Variants in SKAP1 observed in about 807,000 individuals in gnomAD.
The protein encoded by SKAP1 is src kinase associated phosphoprotein 1, also known as src kinase-associated phosphoprotein 1.
SKAP1 carries 44 observed loss-of-function variants against 58.5 expected under a neutral mutation model. The observed-to-expected ratio is 0.75, with a 90% confidence interval of 0.59 to 0.97. SKAP1 has a LOEUF of 0.97. Ranked by LOEUF, SKAP1 falls within the 50% of genes least tolerant of loss-of-function variation. The pLI, the probability that SKAP1 is intolerant of heterozygous loss-of-function variation, is 0.00. For synonymous variants in SKAP1, 127 were observed against 149.7 expected (o/e 0.85, Z 1.11); for missense variants, 390 against 435.2 (o/e 0.90, Z 0.92).
At chr17:48,374,045 T>C (rs1441013221) in intron 2 of SKAP1, among the ~76,000 whole-genome samples, 1 of 152,144 alleles carries the variant, frequency 6.6e-6, no homozygotes, top group African/African-American at 2.4e-5. Flanking sequence ...CTCTTTTTTG[T>C]TGTTTTTGAG....
intron 4 of SKAP1, among the ~76,000 whole-genome samples, chr17:48,323,731 C>T (rs937284935): frequency 4.0e-5 from 6 of 151,836 alleles, no homozygotes; most frequent in Admixed American, 6.6e-5. Context: ...AAGAACATAA[C>T]GAAGAGGGAG....
At chr17:48,176,899 A>G (rs2064298495) in intron 9 of SKAP1, among the ~76,000 whole-genome samples, 1 of 152,222 alleles carries the variant, frequency 6.6e-6, no homozygotes, top group African/African-American at 2.4e-5. Flanking sequence ...TCTCACTTAC[A>G]TGGCTTTCCC....
At chr17:48,244,643 C>T (rs2065276217) in intron 4 of SKAP1, among the ~76,000 whole-genome samples, 1 of 152,110 alleles carries the variant, frequency 6.6e-6, no homozygotes, top group South Asian at 2.1e-4. Flanking sequence ...ACTGAAAATT[C>T]TGCTGATGAT....
intron 4 of SKAP1, among the ~76,000 whole-genome samples, chr17:48,200,621 A>G (rs1396518960): frequency 6.6e-6 from 1 of 152,148 alleles, no homozygotes; most frequent in Non-Finnish European, 1.5e-5. Flanking sequence ...CTGGTGATCC[A>G]GCCACCTCAG....
At chr17:48,371,127 A>G (rs968499978) in intron 2 of SKAP1, among the ~76,000 whole-genome samples, 1 of 152,196 alleles carries the variant, frequency 6.6e-6, no homozygotes, top group African/African-American at 2.4e-5. Context: ...AGGGACTAAT[A>G]GAGATGGGGA....
chr17:48,443,810 T>C, the SKAP1 span, among the ~76,000 whole-genome samples: 2 of 152,134 alleles, frequency 1.3e-5, no homozygotes, highest in Non-Finnish European at 2.9e-5. Context: ...TATTTTGAAA[T>C]AATTTCAAAC....
chr17:48,241,763 A>G (rs2065246313), intron 4 of SKAP1, among the ~76,000 whole-genome samples: 1 of 152,176 alleles, frequency 6.6e-6, no homozygotes, highest in South Asian at 2.1e-4. Flanking sequence ...TTCTAAATAT[A>G]CTTAATTCTG....
chr17:48,215,893 G>A (rs2064933859), intron 4 of SKAP1, among the ~76,000 whole-genome samples: 2 of 152,112 alleles, frequency 1.3e-5, no homozygotes, highest in Non-Finnish European at 2.9e-5. Context: ...GCACCAACAG[G>A]GCAAGCTCAC....
intron 4 of SKAP1, among the ~76,000 whole-genome samples, chr17:48,279,934 C>T (rs1185938492): frequency 6.6e-6 from 1 of 152,120 alleles, no homozygotes; most frequent in Non-Finnish European, 1.5e-5. Context: ...GGTCCCTTTG[C>T]TATCTTCATT....
intron 4 of SKAP1, among the ~76,000 whole-genome samples, chr17:48,238,506 C>A (rs2065207257): frequency 6.6e-6 from 1 of 151,842 alleles, no homozygotes. Context: ...CTCAAGCAAT[C>A]CTTTCATCTC....
intron 4 of SKAP1, among the ~76,000 whole-genome samples, chr17:48,282,250 A>G (rs1598507169): frequency 6.6e-6 from 1 of 152,218 alleles, no homozygotes; most frequent in East Asian, 1.9e-4. Flanking sequence ...TGTAGCTATC[A>G]TCCAGCTTCA....
intron 2 of SKAP1, among the ~76,000 whole-genome samples, chr17:48,383,540 G>A (rs879620760): frequency 1.3e-5 from 2 of 152,110 alleles, no homozygotes; most frequent in African/African-American, 4.8e-5. Context: ...TCATGTGTAT[G>A]TATTTAAGCA....
At chr17:48,403,089 A>G (rs971497278) in intron 1 of SKAP1, among the ~76,000 whole-genome samples, 1 of 152,140 alleles carries the variant, frequency 6.6e-6, no homozygotes, top group African/African-American at 2.4e-5. Context: ...GCTGTTTAAA[A>G]AAATAAATAA....
At chr17:48,312,724 A>C (rs2066238266) in intron 4 of SKAP1, among the ~76,000 whole-genome samples, 2 of 152,228 alleles carry the variant, frequency 1.3e-5, no homozygotes, top group African/African-American at 4.8e-5. Context: ...TCAGGAAAAG[A>C]GAGTGTGAGA....
At chr17:48,178,743 C>T (rs1181765205) in intron 9 of SKAP1, among the ~76,000 whole-genome samples, 6 of 152,168 alleles carry the variant, frequency 3.9e-5, no homozygotes, top group South Asian at 4.1e-4. Context: ...TCATTAACGA[C>T]GATGACTTGC....
At chr17:48,311,672 TC>T (rs1375538644) in intron 4 of SKAP1, among the ~76,000 whole-genome samples, 4 of 152,126 alleles carry the variant, frequency 2.6e-5, no homozygotes, top group African/African-American at 9.7e-5. Flanking sequence ...GCCCTTTAAT[TC>T]CTCCCTCCCA....
chr17:48,189,538 G>A, intron 4 of SKAP1, 38 bp from the exon 5 acceptor site: 1 of 1,527,216 alleles, frequency 6.5e-7, no homozygotes. Flanking sequence ...ATTGAAACCT[G>A]GCAAAATTTT....
chr17:48,328,995 T>TTTAAA (rs1207054513), intron 4 of SKAP1, among the ~76,000 whole-genome samples: 3 of 152,226 alleles, frequency 2.0e-5, no homozygotes, highest in African/African-American at 4.8e-5. Flanking sequence ...TAAGGGTATA[T>TTTAAA]TTAAATTAAC....
rs189863045 is a variant in SKAP1 at position 48,159,211 on chromosome 17, G to A, written c.978+3258C>T. 9.5e-4 allele frequency among the ~76,000 whole-genome samples: 144 copies of A among 152,336 alleles called. 1 individual carries two copies. Among genetic ancestry groups the A allele is most frequent in the African/African-American group, 2.7e-3 (114 of 41,568 alleles). On this transcript the variant is annotated intron_variant, in intron 11 of 12. Coordinates refer to ENST00000336915, the MANE Select transcript of SKAP1 (RefSeq NM_003726.4). ...ATTCTTTTTTGTTTAAACTGAATAA[G>A]TAATTAAGGCTAAAACACATTTTTG...
Sources: gnomAD v4.1 joint callset for allele counts (sites outside exome capture counted in the v4.1 genomes callset) on GRCh38, gnomAD v4.1.1 for gene constraint, MANE v1.5 for transcripts, NCBI Gene and HGNC (gene_info 2026-07-23, HGNC 2026-07-21) for gene names.